HPSE2: variants seen among roughly 807,000 people sequenced by gnomAD.
HPSE2 encodes the protein inactive heparanase-2.
In HPSE2, 38 loss-of-function variants were observed where a neutral mutation model predicts 60.5. The observed-to-expected ratio is 0.63, with a 90% confidence interval of 0.48 to 0.82. The LOEUF is 0.82. Among genes scored for constraint, HPSE2 ranks in the 40% least tolerant of loss-of-function variants. The pLI, the probability that HPSE2 is intolerant of heterozygous loss-of-function variation, is 0.00. For missense variants in HPSE2, 713 were observed against 740.4 expected (o/e 0.96, Z 0.43); for synonymous variants, 295 against 293.2 (o/e 1.01, Z -0.06).
rs762313835 is a variant in HPSE2, at chr10:98,459,653, C to T, written c.1700G>A (p.Arg567Gln). Residue 567 changes from arginine to glutamine, a missense_variant, in exon 12 of 12, where the codon CGG becomes CAG. By Grantham distance (43) the Arg-to-Gln change is conservative. Transcript: ENST00000370552. ...ELKPRPLRAG[R>Q]TLVIPPVTMG... ...GGTGACTGGAGGGATGACCAATGTCCGGCCGGCCCGAAGGGGGCGGGGCTT... is the reference window on the plus strand; with the variant it reads ...GGTGACTGGAGGGATGACCAATGTCTGGCCGGCCCGAAGGGGGCGGGGCTT... 168 of 1,613,996 alleles carry T rather than the reference C, an allele frequency of 1.0e-4. 2 individuals carry two copies. The South Asian group carries it at 1.3e-3, about 12-fold the overall frequency.
chr10:98,509,746 C>T (rs961063733), intron 9 of HPSE2, among the ~76,000 whole-genome samples: 21 of 152,114 alleles, frequency 1.4e-4, no homozygotes, highest in Admixed American at 6.5e-5. Flanking sequence ...GTGATCCACC[C>T]GCCTCAGCCT....
At chr10:98,887,112 A>C (rs1018431469) in intron 3 of HPSE2, among the ~76,000 whole-genome samples, 1 of 152,140 alleles carries the variant, frequency 6.6e-6, no homozygotes. Flanking sequence ...TTCCTATATC[A>C]CAAAACATCA....
intron 3 of HPSE2, among the ~76,000 whole-genome samples, chr10:99,025,437 A>G (rs1215012804): frequency 6.6e-6 from 1 of 152,170 alleles, no homozygotes; most frequent in Non-Finnish European, 1.5e-5. Flanking sequence ...TAGCAAGGAC[A>G]TGGAATCAAC....
intron 3 of HPSE2, among the ~76,000 whole-genome samples, chr10:99,081,447 G>GGAATAAT (rs1374436604): frequency 6.6e-6 from 1 of 151,960 alleles, no homozygotes; most frequent in Non-Finnish European, 1.5e-5. Flanking sequence ...CTGCAAAACA[G>GGAATAAT]GAATAATGAT....
Position 99,216,126 on chromosome 10 carries a change from G to A in HPSE2, c.448+16222C>T, listed in dbSNP as rs547286738. Among the ~76,000 whole-genome samples, 3 of 149,262 alleles carry A rather than the reference G, an allele frequency of 2.0e-5. No homozygotes were observed. In the South Asian group the frequency reaches 6.3e-4, roughly 32 times the overall value. Reference sequence around the variant, plus strand: ...CCTGGTCCTTTAATCTCAAAATTATGAAACCATTCTGAAATGCAGAGGAAG... The same window carrying A: ...CCTGGTCCTTTAATCTCAAAATTATAAAACCATTCTGAAATGCAGAGGAAG... On this transcript the variant is annotated intron_variant, in intron 2 of 11. Transcript: ENST00000370552.
chr10:99,244,178 C>T, the HPSE2 span, among the ~76,000 whole-genome samples: 3 of 151,308 alleles, frequency 2.0e-5, no homozygotes, highest in Admixed American at 1.3e-4. Flanking sequence ...CCACCGTGCC[C>T]GGCTAATTTT....
At chr10:98,568,175 T>C (rs1192855468) in intron 9 of HPSE2, among the ~76,000 whole-genome samples, 1 of 152,176 alleles carries the variant, frequency 6.6e-6, no homozygotes, top group Non-Finnish European at 1.5e-5. Context: ...CTAAACTCTT[T>C]AGAAGAAATC....
rs1845450164 is a variant in HPSE2 at position 99,132,210 on chromosome 10, AGAGAGAGAGAGAGAGAGAGAGAGAGAG to A, written c.610+12001_610+12027del. 3.1e-4 allele frequency among the ~76,000 whole-genome samples: 9 copies of A among 28,902 alleles called. 1 individual carries two copies. The highest frequency in any genetic ancestry group is 5.2e-4 in the African/African-American group (9 of 17,180). The allele number at this position is 28,902 out of a possible 152,430, so 19.0% of individuals were successfully genotyped here. ...GAAAGAAAGAGAGAGAGAGAGAGAG[AGAGAGAGAGAGAGAGAGAGAGAGAGAG>A]AGAGAGAAAGAAAGAAAGAAAGAAA... is the stretch of plus-strand genomic sequence containing the variant. On this transcript the variant is annotated intron_variant, in intron 3 of 11. Transcript: ENST00000370552.
At chr10:99,102,504 A>G (rs1216465271) in intron 3 of HPSE2, among the ~76,000 whole-genome samples, 1 of 152,102 alleles carries the variant, frequency 6.6e-6, no homozygotes, top group Non-Finnish European at 1.5e-5. Flanking sequence ...CCTACCAACC[A>G]AAAAAAGGCC....
chr10:98,538,036 G>A (rs1406118759), intron 9 of HPSE2, among the ~76,000 whole-genome samples: 1 of 152,118 alleles, frequency 6.6e-6, no homozygotes, highest in African/African-American at 2.4e-5. Context: ...AAAGGGAAGG[G>A]CCCCCCATCC....
chr10:98,564,144 A>G (rs1944270905), intron 9 of HPSE2, among the ~76,000 whole-genome samples: 1 of 152,166 alleles, frequency 6.6e-6, no homozygotes, highest in Non-Finnish European at 1.5e-5. Flanking sequence ...ACAATGTACT[A>G]AAACCTAGCT....
intron 3 of HPSE2, among the ~76,000 whole-genome samples, chr10:98,811,983 T>C (rs1227626499): frequency 6.6e-6 from 1 of 152,174 alleles, no homozygotes; most frequent in African/African-American, 2.4e-5. Context: ...TGTTAGGATA[T>C]AGAAATACAA....
chr10:98,809,416 T>C (rs1259454383), intron 3 of HPSE2, among the ~76,000 whole-genome samples: 1 of 152,110 alleles, frequency 6.6e-6, no homozygotes, highest in Non-Finnish European at 1.5e-5. Flanking sequence ...TTGATCAATC[T>C]GTACTCACAG....
intron 7 of HPSE2, among the ~76,000 whole-genome samples, chr10:98,630,330 T>C (rs367873057): frequency 1.8e-4 from 28 of 152,158 alleles, no homozygotes; most frequent in African/African-American, 6.7e-4. Context: ...CCCCAGTAGC[T>C]GGGACTACAG....
At chr10:98,610,570 GTA>G (rs752501679) in intron 9 of HPSE2, among the ~76,000 whole-genome samples, 7 of 152,206 alleles carry the variant, frequency 4.6e-5, no homozygotes, top group Non-Finnish European at 1.0e-4. Context: ...TGAAATGAAT[GTA>G]TATGATTCAT....
chr10:98,882,581 C>T (rs1342931425), intron 3 of HPSE2, among the ~76,000 whole-genome samples: 2 of 151,942 alleles, frequency 1.3e-5, no homozygotes, highest in Non-Finnish European at 2.9e-5. Context: ...ACTAGAAAAC[C>T]ATGCAAGTAT....
chr10:99,271,213 A>ACATGAC, the HPSE2 span, among the ~76,000 whole-genome samples: 50 of 152,332 alleles, frequency 3.3e-4, no homozygotes, highest in African/African-American at 1.1e-3. Flanking sequence ...TTTGCTGATG[A>ACATGAC]CATGACTGTA....
rs1072810 is a variant in HPSE2, at chr10:98,670,084, G to A, written c.1004+23816C>T. Among the ~76,000 whole-genome samples the A allele has an allele frequency of 2.6e-3, 391 of 152,220 alleles. 2 individuals are homozygous for A. The highest frequency in any genetic ancestry group is 0.02 in the Middle Eastern group (6 of 294). ...AAATGCAAAGATCTAAAGTGGGAGC[G>A]TCATTGTCATGTTTCAAGGAACACG... On this transcript the variant is annotated intron_variant, in intron 6 of 11. Transcript: ENST00000370552.
chr10:98,844,016 C>T (rs369450010), intron 3 of HPSE2, among the ~76,000 whole-genome samples: 7 of 152,274 alleles, frequency 4.6e-5, no homozygotes, highest in Admixed American at 2.0e-4. Flanking sequence ...TTCCCTGATG[C>T]TTCTGGAGAG....
Sources: gnomAD v4.1 joint callset for allele counts (sites outside exome capture counted in the v4.1 genomes callset) on GRCh38, gnomAD v4.1.1 for gene constraint, MANE v1.5 for transcripts, NCBI Gene and HGNC (gene_info 2026-07-23, HGNC 2026-07-21) for gene names.